Variants in MYO3A observed in about 807,000 individuals in gnomAD.
MYO3A encodes myosin IIIA, also known as myosin-IIIa.
A neutral mutation model predicts 192.7 loss-of-function variants in MYO3A; 180 were observed. The ratio of observed to expected loss-of-function variants is 0.93; its 90% CI spans 0.83 to 1.06. The LOEUF (loss-of-function observed/expected upper bound fraction) is 1.06, where lower values mean the gene tolerates loss of function less well. Ranked by LOEUF, MYO3A falls within the 50% of genes least tolerant of loss-of-function variation. The probability of loss-of-function intolerance (pLI) is 0.00; values close to 1 mark genes in which losing one functional copy is unlikely to be tolerated. For missense variants in MYO3A, 1,896 were observed against 1,905.0 expected (o/e 1.00, Z 0.09); for synonymous variants, 628 against 645.3 (o/e 0.97, Z 0.41).
At chr10:25,986,679 A>G (rs1394703305) in intron 4 of MYO3A, among the ~76,000 whole-genome samples, 1 of 152,230 alleles carries the variant, frequency 6.6e-6, no homozygotes, top group Non-Finnish European at 1.5e-5. Context: ...TCTTACAAGG[A>G]AAACTACAAA....
In MYO3A at chr10:26,021,503, GTGAT is replaced by G; in HGVS notation, c.589_592del (p.Ile197HisfsTer33). 4.3e-6 allele frequency: 7 copies of G among 1,613,906 alleles called. No individual in the cohort carries two copies. Among genetic ancestry groups the G allele is most frequent in the Non-Finnish European group, 5.9e-6 (7 of 1,179,826 alleles). ...TTTTGATGGTGTGGTTTTCTACTAG[GTGAT>G]TGCATGTGAACAGCAATTGGATACC... On this transcript the variant is annotated frameshift_variant and splice_region_variant, in exon 8 of 35. Transcript: ENST00000642920. LOFTEE classifies it high-confidence loss of function.
chr10:25,959,121 G>T (rs1837752006), intron 4 of MYO3A, among the ~76,000 whole-genome samples: 1 of 152,074 alleles, frequency 6.6e-6, no homozygotes, highest in Admixed American at 6.6e-5. Context: ...AACAGGGATT[G>T]TTTGCCTTCC....
At chr10:25,940,185 A>G (rs1836389654) in intron 2 of MYO3A, among the ~76,000 whole-genome samples, 1 of 152,028 alleles carries the variant, frequency 6.6e-6, no homozygotes, top group African/African-American at 2.4e-5. Flanking sequence ...GGTTACTGGT[A>G]TATTATAATG....
At chr10:26,101,487 A>G (rs1588957231) in intron 17 of MYO3A, among the ~76,000 whole-genome samples, 1 of 152,176 alleles carries the variant, frequency 6.6e-6, no homozygotes, top group African/African-American at 2.4e-5. Flanking sequence ...GTTTCTTCCT[A>G]GCGTCGATGG....
intron 10 of MYO3A, among the ~76,000 whole-genome samples, chr10:26,055,568 G>A (rs554962974): frequency 1.3e-5 from 2 of 152,278 alleles, no homozygotes; most frequent in South Asian, 4.1e-4. Flanking sequence ...TCCAGTCACA[G>A]GTGGCCTCCG....
intron 17 of MYO3A, among the ~76,000 whole-genome samples, chr10:26,101,786 C>A (rs898905952): frequency 6.6e-6 from 1 of 152,190 alleles, no homozygotes; most frequent in African/African-American, 2.4e-5. Context: ...TGATGGACTT[C>A]CCTTTGTGGG....
Position 26,032,594 on chromosome 10 carries a change from C to T in MYO3A, c.953+6062C>T, listed in dbSNP as rs1292281304. On this transcript the variant is annotated intron_variant, in intron 10 of 34. Coordinates refer to ENST00000642920, the MANE Select transcript of MYO3A (RefSeq NM_017433.5). ...TCATGCCATTGCACTCCAGCCCGGGCGACAGTGTGAGACTCCATCTCAAAA... is the reference window on the plus strand; with the variant it reads ...TCATGCCATTGCACTCCAGCCCGGGTGACAGTGTGAGACTCCATCTCAAAA... 6.0e-5 allele frequency among the ~76,000 whole-genome samples: 9 copies of T among 151,028 alleles called. No homozygotes were observed. The East Asian group carries it at 1.4e-3, about 23-fold the overall frequency.
chr10:26,117,218 C>A (rs1838563915), intron 17 of MYO3A, among the ~76,000 whole-genome samples: 1 of 152,118 alleles, frequency 6.6e-6, no homozygotes, highest in African/African-American at 2.4e-5. Context: ...ATCCCTTAAA[C>A]TTTATGATGG....
intron 10 of MYO3A, among the ~76,000 whole-genome samples, chr10:26,056,602 G>C (rs536103044): frequency 6.6e-6 from 1 of 152,306 alleles, no homozygotes; most frequent in Non-Finnish European, 1.5e-5. Context: ...AATGTAGAGA[G>C]CTTTAGTGTT....
chr10:26,006,351 G>A (rs1270621669), intron 6 of MYO3A, among the ~76,000 whole-genome samples: 1 of 152,124 alleles, frequency 6.6e-6, no homozygotes, highest in Non-Finnish European at 1.5e-5. Flanking sequence ...ACATTCAAAA[G>A]CTAGCAGAAG....
chr10:26,120,604 T>C (rs1588990610), intron 17 of MYO3A, 72 bp from the exon 18 acceptor site: 1 of 1,599,960 alleles, frequency 6.3e-7, no homozygotes, highest in South Asian at 1.1e-5. Context: ...TTCCAGTCTG[T>C]CCCCAGCCAT....
chr10:26,183,251 G>T lies in MYO3A; in HGVS notation c.4438+6406G>T, dbSNP rs1226608478. On this transcript the variant is annotated intron_variant, in intron 31 of 34. Coordinates refer to ENST00000642920, the MANE Select transcript of MYO3A (RefSeq NM_017433.5). ...AAAAAACTAAATGTTTCGGCTGGGC[G>T]TGGTGGCTCACGCCTGTAATCCCAG... Among the ~76,000 whole-genome samples, 4 of 152,184 alleles carry T rather than the reference G, an allele frequency of 2.6e-5. No homozygotes were observed. The South Asian group carries it at 8.3e-4, about 32-fold the overall frequency.
intron 2 of MYO3A, among the ~76,000 whole-genome samples, chr10:25,945,290 A>G (rs756363704): frequency 6.6e-6 from 1 of 152,106 alleles, no homozygotes; most frequent in Non-Finnish European, 1.5e-5. Flanking sequence ...AGTCAAACAC[A>G]TAGTCTATCC....
At chr10:26,013,333 C>T (rs1270807938) in intron 6 of MYO3A, among the ~76,000 whole-genome samples, 1 of 149,372 alleles carries the variant, frequency 6.7e-6, no homozygotes, top group Non-Finnish European at 1.5e-5. Flanking sequence ...ACGGAATAAA[C>T]AGACAAACCA....
chr10:26,192,666 T>TC (rs1417575008), intron 31 of MYO3A, among the ~76,000 whole-genome samples: 2 of 151,146 alleles, frequency 1.3e-5, no homozygotes, highest in African/African-American at 4.9e-5. Context: ...TTTTTTTTTT[T>TC]TCTTGAGACA....
intron 17 of MYO3A, among the ~76,000 whole-genome samples, chr10:26,099,839 C>T (rs911314939): frequency 7.9e-5 from 12 of 152,098 alleles, no homozygotes; most frequent in African/African-American, 2.4e-4. Context: ...ATTTTTGCAT[C>T]GATGTTTATC....
intron 18 of MYO3A, among the ~76,000 whole-genome samples, chr10:26,122,609 T>G (rs1229696384): frequency 6.6e-6 from 1 of 152,126 alleles, no homozygotes; most frequent in Non-Finnish European, 1.5e-5. Context: ...AAGAATTGAT[T>G]TTTTCCAGGT....
At chr10:26,127,107 T>A (rs1407999487) in intron 19 of MYO3A, among the ~76,000 whole-genome samples, 1 of 152,106 alleles carries the variant, frequency 6.6e-6, no homozygotes. Context: ...GTTGTTGGGG[T>A]GTATCTTGGA....
intron 17 of MYO3A, among the ~76,000 whole-genome samples, chr10:26,101,280 CTGTG>C (rs1837437086): frequency 6.6e-6 from 1 of 152,140 alleles, no homozygotes. Flanking sequence ...TATTTTGAAC[CTGTG>C]TGTGTCTCTG....
Sources: gnomAD v4.1 joint callset for allele counts (sites outside exome capture counted in the v4.1 genomes callset) on GRCh38, gnomAD v4.1.1 for gene constraint, MANE v1.5 for transcripts, NCBI Gene and HGNC (gene_info 2026-07-23, HGNC 2026-07-21) for gene names.